Variants in NRDC observed in about 807,000 individuals in gnomAD.
NRDC encodes the protein nardilysin.
NRDC carries 54 observed loss-of-function variants against 147.1 expected under a neutral mutation model. The ratio of observed to expected loss-of-function variants is 0.37; its 90% CI spans 0.29 to 0.46. The LOEUF is 0.46. NRDC is among the 20% of genes least tolerant of loss of function. The pLI, the probability that NRDC is intolerant of heterozygous loss-of-function variation, is 1.00. For missense variants in NRDC, 1,082 were observed against 1,370.6 expected (o/e 0.79, Z 3.33); for synonymous variants, 440 against 482.1 (o/e 0.91, Z 1.14).
At chr1:51,814,526 C>T (rs1231634312) in intron 13 of NRDC, 25 bp downstream of exon 13, 2 of 1,607,410 alleles carry the variant, frequency 1.2e-6, no homozygotes, top group East Asian at 2.2e-5. Context: ...TGGCTCCTGG[C>T]CTCATTCCAG....
chr1:51,818,182 T>C, intron 9 of NRDC, 47 bp from the exon 10 acceptor site: 1 of 1,217,772 alleles, frequency 8.2e-7, no homozygotes, highest in Middle Eastern at 2.5e-4. Context: ...TGTTTCTCTA[T>C]GACTTTTACT....
chr1:51,860,763 T>C (rs1682490129), intron 1 of NRDC, among the ~76,000 whole-genome samples: 1 of 152,222 alleles, frequency 6.6e-6, no homozygotes, highest in Non-Finnish European at 1.5e-5. Flanking sequence ...AGAACCTTCC[T>C]TTCTCTTCTT....
chr1:51,794,485 G>A lies in NRDC; in HGVS notation c.2762C>T (p.Thr921Ile). 6.2e-7 allele frequency: 1 copy of A among 1,614,162 alleles called. No homozygotes were observed. Among genetic ancestry groups the A allele is most frequent in the Non-Finnish European group, 8.5e-7 (1 of 1,180,020 alleles). The change falls in exon 24 of 31, where the codon ACT (threonine) becomes ATT (isoleucine). Residue 921 changes from threonine to isoleucine, a missense_variant. Thr to Ile is a moderately conservative substitution (Grantham distance 89, BLOSUM62 -1). Coordinates refer to ENST00000352171, the MANE Select transcript of NRDC (RefSeq NM_001101662.2). ...LNKGDANSEV[T>I]VYYQSGTRSL... The stretch of plus-strand genomic sequence containing the variant: ...CACCCAACTGACCTGGTAGTACACA[G>A]TGACTTCAGAGTTGGCATCACCCTT...
chr1:51,877,517 A>G lies in NRDC; in HGVS notation c.341+758T>C, dbSNP rs60812558. Among the ~76,000 whole-genome samples the G allele has an allele frequency of 9.0e-3, 1,368 of 152,250 alleles. 34 individuals carry two copies. In the South Asian group the frequency reaches 0.095, roughly 11 times the overall value. On this transcript the variant is annotated intron_variant, in intron 1 of 30. Transcript: ENST00000352171. Reference sequence around the variant, plus strand: ...CTCTTATTAAAACACACACGCACACACACACACGCAAGATACATCATAGTC... The same window carrying G: ...CTCTTATTAAAACACACACGCACACGCACACACGCAAGATACATCATAGTC...
intron 21 of NRDC, chr1:51,799,117 G>A (rs1281067938): frequency 1.3e-5 from 2 of 152,138 alleles, no homozygotes; most frequent in South Asian, 2.1e-4. Context: ...GTTTAATAAT[G>A]TATTTTTATA....
intron 20 of NRDC, among the ~76,000 whole-genome samples, chr1:51,803,590 TA>T (rs1348669737): frequency 6.6e-6 from 1 of 152,084 alleles, no homozygotes; most frequent in Non-Finnish European, 1.5e-5. Context: ...AAATCAATCC[TA>T]AAGCATGGGC....
intron 9 of NRDC, among the ~76,000 whole-genome samples, chr1:51,819,160 GGCAT>G (rs1420577676): frequency 2.0e-5 from 3 of 151,922 alleles, no homozygotes; most frequent in Non-Finnish European, 4.4e-5. Flanking sequence ...AAATCAGCTG[GGCAT>G]AGTGGTGAGT....
At chr1:51,861,513 T>TA (rs892493703) in intron 1 of NRDC, among the ~76,000 whole-genome samples, 25 of 125,312 alleles carry the variant, frequency 2.0e-4, no homozygotes, top group East Asian at 5.9e-4. Flanking sequence ...TTATTATTAT[T>TA]TTTTTTTATT....
intron 4 of NRDC, among the ~76,000 whole-genome samples, chr1:51,831,272 C>A (rs972572422): frequency 9.9e-5 from 15 of 152,194 alleles, no homozygotes; most frequent in African/African-American, 3.6e-4. Context: ...GTATTCATAT[C>A]ATACATACCA....
intron 4 of NRDC, among the ~76,000 whole-genome samples, 185 bp from the exon 5 acceptor site, chr1:51,828,054 T>G (rs897520361): frequency 6.6e-6 from 1 of 152,256 alleles, no homozygotes; most frequent in Non-Finnish European, 1.5e-5. Context: ...TTTTTCATTG[T>G]GAAATATATT....
chr1:51,816,478 A>G (rs1679973379), intron 10 of NRDC, 89 bp from the exon 11 acceptor site: 1 of 589,804 alleles, frequency 1.7e-6, no homozygotes, highest in Non-Finnish European at 2.9e-6. Context: ...ATAATTGAAA[A>G]TATAATCACA....
chr1:51,814,625 C>A lies in NRDC; in HGVS notation c.1561-16G>T. The A allele has an allele frequency of 6.2e-7, 1 of 1,611,246 alleles. No homozygotes were observed. Among genetic ancestry groups the A allele is most frequent in the South Asian group, 1.1e-5 (1 of 90,898 alleles). On this transcript the variant is annotated splice_polypyrimidine_tract_variant and intron_variant, in intron 12 of 30. Transcript: ENST00000352171. ...TGTAAGCAACCTGAAAACAAAACAT[C>A]CAATTAGTCTTTTGCATAAAGTGAT...
chr1:51,829,576 G>A (rs1302490014), intron 4 of NRDC, among the ~76,000 whole-genome samples: 1 of 152,116 alleles, frequency 6.6e-6, no homozygotes, highest in Non-Finnish European at 1.5e-5. Context: ...CTTACAACAG[G>A]TTCTGAAAAT....
chr1:51,849,836 A>G (rs1681853478), intron 1 of NRDC, among the ~76,000 whole-genome samples: 1 of 151,178 alleles, frequency 6.6e-6, no homozygotes, highest in South Asian at 2.1e-4. Flanking sequence ...AAAAAGAAAG[A>G]AAAGGAAAGG....
chr1:51,821,393 T>C, intron 8 of NRDC, 105 bp downstream of exon 8: 1 of 656,732 alleles, frequency 1.5e-6, no homozygotes, highest in Middle Eastern at 2.7e-4. Flanking sequence ...GTCTTAATTC[T>C]ATCACCTGTG....
At chr1:51,860,034 T>A (rs1195364100) in intron 1 of NRDC, 2 of 203,610 alleles carry the variant, frequency 9.8e-6, no homozygotes, top group East Asian at 1.6e-4. Context: ...TGATCCAGAT[T>A]TGGCCGTGTC....
intron 24 of NRDC, among the ~76,000 whole-genome samples, chr1:51,792,648 G>A (rs910946015): frequency 1.3e-5 from 2 of 152,158 alleles, no homozygotes; most frequent in African/African-American, 4.8e-5. Context: ...CACTAGCATA[G>A]AATTGCAGGT....
chr1:51,858,486 A>G (rs1557935423), intron 1 of NRDC, among the ~76,000 whole-genome samples: 1 of 152,062 alleles, frequency 6.6e-6, no homozygotes, highest in African/African-American at 2.4e-5. Flanking sequence ...AAAAAAAAAA[A>G]AAAGGCAAAT....
rs545893955 is a variant in NRDC, at chr1:51,816,780, G to A, written c.1362-391C>T. Among the ~76,000 whole-genome samples, 20 of 152,208 alleles carry A rather than the reference G, an allele frequency of 1.3e-4. No homozygotes were observed. In the South Asian group the frequency reaches 1.7e-3, roughly 13 times the overall value. On this transcript the variant is annotated intron_variant, in intron 10 of 30. Transcript: ENST00000352171. Reference sequence around the variant, plus strand: ...CTTTTGGTACCACATTGGGTTCTGTGGTAAAATGAAATGTGTTGTTCAGAG... The same window carrying A: ...CTTTTGGTACCACATTGGGTTCTGTAGTAAAATGAAATGTGTTGTTCAGAG...
Sources: allele counts gnomAD v4.1 joint callset (sites outside exome capture counted in the v4.1 genomes callset), GRCh38; gene constraint gnomAD v4.1.1; transcripts MANE v1.5; gene names NCBI Gene and HGNC (gene_info 2026-07-23, HGNC 2026-07-21).